SLC22A23: variants seen among roughly 807,000 people sequenced by gnomAD.
The protein encoded by SLC22A23 is solute carrier family 22 member 23, also known as ion transporter protein.
A neutral mutation model predicts 61.0 loss-of-function variants in SLC22A23; 26 were observed. That is an observed-to-expected ratio of 0.43 (90% CI 0.31 to 0.59). SLC22A23 has a LOEUF of 0.59. Ranked by LOEUF, SLC22A23 falls within the 20% of genes least tolerant of loss-of-function variation. The pLI is 0.11. For synonymous variants in SLC22A23, 430 were observed against 413.9 expected, an observed-to-expected ratio of 1.04 and a Z score of -0.47; for missense variants, 796 against 934.7, an observed-to-expected ratio of 0.85 and a Z score of 1.94.
At chr6:3,341,030 C>T (rs1341355241) in intron 3 of SLC22A23, among the ~76,000 whole-genome samples, 1 of 152,194 alleles carries the variant, frequency 6.6e-6, no homozygotes, top group African/African-American at 2.4e-5. Context: ...TTGAAGGTGG[C>T]CTGCTGTGAA....
At chr6:3,404,658 C>G (rs1422373097) in intron 3 of SLC22A23, among the ~76,000 whole-genome samples, 1 of 152,180 alleles carries the variant, frequency 6.6e-6, no homozygotes, top group African/African-American at 2.4e-5. Flanking sequence ...GCCACCACAG[C>G]ATTCTCGCCT....
intron 4 of SLC22A23, among the ~76,000 whole-genome samples, chr6:3,305,112 G>A (rs985813742): frequency 6.6e-6 from 1 of 152,172 alleles, no homozygotes; most frequent in Non-Finnish European, 1.5e-5. Flanking sequence ...AACAGACACT[G>A]TCCCACCAGT....
intron 3 of SLC22A23, among the ~76,000 whole-genome samples, chr6:3,379,783 GCTCAGATTGCCTGATGA>G (rs57313260): frequency 0.017 from 2,519 of 152,262 alleles, 80 homozygotes; most frequent in African/African-American, 0.058. Flanking sequence ...GCTGGGACGG[GCTCAGATTGCCTGATGA>G]CTACTCAACG....
chr6:3,370,662 C>T (rs1010733583), intron 3 of SLC22A23, among the ~76,000 whole-genome samples: 6 of 152,250 alleles, frequency 3.9e-5, no homozygotes, highest in Non-Finnish European at 8.8e-5. Flanking sequence ...TTGAGCAAGT[C>T]CTCACGATGA....
At chr6:3,398,779 C>A (rs940135926) in intron 3 of SLC22A23, among the ~76,000 whole-genome samples, 1 of 151,984 alleles carries the variant, frequency 6.6e-6, no homozygotes, top group Non-Finnish European at 1.5e-5. Flanking sequence ...CCTGTAATCC[C>A]AGCACTTTGG....
chr6:3,374,657 G>A (rs1766445503), intron 3 of SLC22A23, among the ~76,000 whole-genome samples: 1 of 152,194 alleles, frequency 6.6e-6, no homozygotes, highest in African/African-American at 2.4e-5. Context: ...TGAGGATTTG[G>A]GAAGATGAAT....
chr6:3,292,130 C>T (rs1268831824), intron 5 of SLC22A23: 1 of 152,174 alleles, frequency 6.6e-6, no homozygotes, highest in Admixed American at 6.5e-5. Flanking sequence ...TGACTTTGTG[C>T]TTATCTTACT....
chr6:3,278,709 G>T (rs11964154), intron 9 of SLC22A23, among the ~76,000 whole-genome samples: 18,536 of 152,234 alleles, frequency 0.12, 3,092 homozygotes, highest in African/African-American at 0.38. Context: ...GTAAGATGAA[G>T]ACTGAACACC....
At chr6:3,435,906 A>G (rs1479377737) in intron 1 of SLC22A23, among the ~76,000 whole-genome samples, 2 of 152,222 alleles carry the variant, frequency 1.3e-5, no homozygotes, top group African/African-American at 4.8e-5. Context: ...ACGTGGGGAC[A>G]GAGGGAGAAG....
chr6:3,416,539 C>G (rs1769717830), intron 1 of SLC22A23, among the ~76,000 whole-genome samples: 1 of 152,204 alleles, frequency 6.6e-6, no homozygotes, highest in South Asian at 2.1e-4. Flanking sequence ...AAGAAAAATA[C>G]AAACAAATAC....
Position 3,378,941 on chromosome 6 carries a change from G to A in SLC22A23, c.913+31247C>T, listed in dbSNP as rs545901701. Among the ~76,000 whole-genome samples the A allele has an allele frequency of 2.0e-5, 3 of 152,238 alleles. No homozygotes were observed. The South Asian group carries it at 6.2e-4, about 32-fold the overall frequency. On this transcript the variant is annotated intron_variant, in intron 3 of 9. Transcript: ENST00000406686. ...CCCAAAGTGCTGGGATTACAGGCTT[G>A]AGCCACCGCGCCTGGCCTCAGTGTC... is the stretch of plus-strand genomic sequence containing the variant.
chr6:3,280,027 A>G (rs766628263), intron 9 of SLC22A23, among the ~76,000 whole-genome samples: 10 of 152,186 alleles, frequency 6.6e-5, no homozygotes, highest in Non-Finnish European at 1.3e-4. Context: ...CTCCTGTTCT[A>G]GCTCCTCTTT....
At chr6:3,340,981 C>T (rs1490028461) in intron 3 of SLC22A23, among the ~76,000 whole-genome samples, 2 of 152,228 alleles carry the variant, frequency 1.3e-5, no homozygotes, top group East Asian at 3.8e-4. Context: ...ATTCCCATCA[C>T]CAATGCCTGC....
chr6:3,277,658 C>T (rs1759034328), intron 9 of SLC22A23, among the ~76,000 whole-genome samples: 1 of 152,166 alleles, frequency 6.6e-6, no homozygotes, highest in African/African-American at 2.4e-5. Flanking sequence ...CAGGACCAGG[C>T]TCCACTCCGT....
chr6:3,290,247 G>C (rs184710110), intron 5 of SLC22A23: 1 of 316,410 alleles, frequency 3.2e-6, no homozygotes, highest in Non-Finnish European at 6.1e-6. Context: ...ATTAGGCCCT[G>C]GGCAAATCTA....
At chr6:3,358,860 G>A (rs575688468) in intron 3 of SLC22A23, among the ~76,000 whole-genome samples, 6 of 152,242 alleles carry the variant, frequency 3.9e-5, no homozygotes, top group East Asian at 1.9e-4. Flanking sequence ...ATCTGCCATC[G>A]GGGGCTGGAG....
At chr6:3,301,231 G>A (rs1761580509) in intron 4 of SLC22A23, among the ~76,000 whole-genome samples, 1 of 151,752 alleles carries the variant, frequency 6.6e-6, no homozygotes, top group African/African-American at 2.4e-5. Context: ...GATGCGTTTG[G>A]GTTTAGTATC....
intron 9 of SLC22A23, chr6:3,283,596 TC>T: frequency 2.2e-6 from 1 of 452,186 alleles, no homozygotes. Flanking sequence ...CTGACATATT[TC>T]CTGGGCCCAG....
chr6:3,341,159 TCA>T (rs1447935570), intron 3 of SLC22A23, among the ~76,000 whole-genome samples: 1 of 152,102 alleles, frequency 6.6e-6, no homozygotes, highest in Non-Finnish European at 1.5e-5. Context: ...CTGGCCCGAG[TCA>T]CAGATGACCT....
Sources: gnomAD v4.1 joint callset for allele counts (sites outside exome capture counted in the v4.1 genomes callset) on GRCh38, gnomAD v4.1.1 for gene constraint, MANE v1.5 for transcripts, NCBI Gene and HGNC (gene_info 2026-07-23, HGNC 2026-07-21) for gene names.